Variants in LRRC4C observed in about 807,000 individuals in gnomAD.
LRRC4C encodes the protein leucine-rich repeat-containing protein 4C.
Under a neutral mutation model 33.6 loss-of-function variants are expected in LRRC4C, and 5 were observed. The observed-to-expected ratio is 0.15, with a 90% CI of 0.08 to 0.31. LRRC4C has a LOEUF of 0.31. Ranked by LOEUF, LRRC4C falls within the 10% of genes least tolerant of loss-of-function variation. LRRC4C has a pLI of 1.00. For synonymous variants in LRRC4C, 329 were observed against 302.0 expected, an observed-to-expected ratio of 1.09 and a Z score of -0.93; for missense variants, 560 against 796.7, an observed-to-expected ratio of 0.70 and a Z score of 3.58.
chr11:41,395,215 T>A (rs1423791731), intron 1 of LRRC4C, among the ~76,000 whole-genome samples: 2 of 152,004 alleles, frequency 1.3e-5, no homozygotes, highest in African/African-American at 2.4e-5. Context: ...GCGCCTATTC[T>A]TGAGCACATG....
At chr11:40,274,414 GACACACACAT>G (rs1284510605) in intron 4 of LRRC4C, among the ~76,000 whole-genome samples, 8 of 63,088 alleles carry the variant, frequency 1.3e-4, no homozygotes, top group Admixed American at 3.2e-4. Flanking sequence ...CTGCGGAATA[GACACACACAT>G]ACACACACAC....
At chr11:41,277,573 G>A (rs1169647844) in intron 1 of LRRC4C, among the ~76,000 whole-genome samples, 2 of 152,070 alleles carry the variant, frequency 1.3e-5, no homozygotes, top group Non-Finnish European at 2.9e-5. Flanking sequence ...TACCAGGTCA[G>A]TTCACAGACA....
At chr11:40,519,882 C>T (rs1340996674) in intron 3 of LRRC4C, among the ~76,000 whole-genome samples, 1 of 152,152 alleles carries the variant, frequency 6.6e-6, no homozygotes, top group East Asian at 1.9e-4. Flanking sequence ...GAAGATCTTG[C>T]TAAGGTCATG....
intron 4 of LRRC4C, among the ~76,000 whole-genome samples, chr11:40,279,646 T>G (rs1212522432): frequency 1.3e-5 from 2 of 152,164 alleles, no homozygotes; most frequent in African/African-American, 4.8e-5. Context: ...ATAATCATGC[T>G]TATGTCACAC....
At chr11:40,931,724 A>G (rs1957633795) in intron 2 of LRRC4C, among the ~76,000 whole-genome samples, 1 of 152,116 alleles carries the variant, frequency 6.6e-6, no homozygotes, top group African/African-American at 2.4e-5. Context: ...AAGTGATTAT[A>G]TATAGTTATG....
chr11:41,311,845 T>A (rs945677385), intron 1 of LRRC4C, among the ~76,000 whole-genome samples: 1 of 152,198 alleles, frequency 6.6e-6, no homozygotes, highest in Non-Finnish European at 1.5e-5. Context: ...ATCTCACATA[T>A]AAGCCACCCC....
chr11:40,152,801 G>T (rs1420314198), intron 5 of LRRC4C, among the ~76,000 whole-genome samples: 1 of 152,058 alleles, frequency 6.6e-6, no homozygotes, highest in Non-Finnish European at 1.5e-5. Flanking sequence ...CCCAAGGAGC[G>T]TCTGAGCTCA....
rs1590798848 is a variant in LRRC4C at position 40,456,761 on chromosome 11, G to C, written c.-269-137040C>G. On this transcript the variant is annotated intron_variant, in intron 3 of 6. Coordinates refer to ENST00000528697, the MANE Select transcript of LRRC4C (RefSeq NM_001258419.2). ...GTAAAGATAATTTCAAGTTTTTAGA[G>C]ACTGTATGGAAAGCTAGGAAGAGGA... Among the ~76,000 whole-genome samples, 3 of 151,744 alleles carry C rather than the reference G, an allele frequency of 2.0e-5. No homozygotes were observed. In the East Asian group the frequency reaches 5.8e-4, roughly 29 times the overall value.
At chr11:40,324,987 C>T (rs1463666153) in intron 3 of LRRC4C, among the ~76,000 whole-genome samples, 1 of 152,226 alleles carries the variant, frequency 6.6e-6, no homozygotes, top group Non-Finnish European at 1.5e-5. Context: ...CAAAGATTAA[C>T]CCAGTGCTTA....
chr11:40,784,211 A>G (rs1239390527), intron 2 of LRRC4C, among the ~76,000 whole-genome samples: 4 of 152,180 alleles, frequency 2.6e-5, no homozygotes, highest in African/African-American at 9.7e-5. Flanking sequence ...TTAGAAATGA[A>G]GCATCACCTT....
chr11:40,288,041 A>G (rs1229013901), intron 4 of LRRC4C, among the ~76,000 whole-genome samples: 1 of 152,202 alleles, frequency 6.6e-6, no homozygotes, highest in Admixed American at 6.5e-5. Context: ...CATTTATTGA[A>G]TGCTTGCTGT....
chr11:40,562,917 C>T (rs1184890267), intron 3 of LRRC4C, among the ~76,000 whole-genome samples: 14 of 151,784 alleles, frequency 9.2e-5, no homozygotes, highest in East Asian at 7.8e-4. Flanking sequence ...TCTTTCTACT[C>T]GATCATCACT....
chr11:40,667,102 A>T (rs1260715933), intron 2 of LRRC4C, among the ~76,000 whole-genome samples: 6 of 152,218 alleles, frequency 3.9e-5, no homozygotes. Context: ...CTTCAACAGA[A>T]ATTAATATTT....
At chr11:40,952,884 ACACACACACACACT>A (rs56400499) in intron 1 of LRRC4C, among the ~76,000 whole-genome samples, 4,535 of 95,666 alleles carry the variant, frequency 0.047, 45 homozygotes, top group Non-Finnish European at 0.059. Flanking sequence ...ACACACACAC[ACACACACACACACT>A]CTCTCTCTCT....
At chr11:41,295,164 A>T (rs1380219992) in intron 1 of LRRC4C, among the ~76,000 whole-genome samples, 1 of 152,234 alleles carries the variant, frequency 6.6e-6, no homozygotes, top group East Asian at 1.9e-4. Context: ...ATTGGAACCA[A>T]GATACATATC....
intron 1 of LRRC4C, among the ~76,000 whole-genome samples, chr11:41,408,859 C>T (rs185228371): frequency 6.6e-6 from 1 of 152,066 alleles, no homozygotes; most frequent in South Asian, 2.1e-4. Context: ...TGTCTGCCAG[C>T]AGAGACCTTT....
chr11:41,446,602 T>TGGAA (rs1955834951), intron 1 of LRRC4C, among the ~76,000 whole-genome samples: 1 of 152,100 alleles, frequency 6.6e-6, no homozygotes. Context: ...TGGAGGAATA[T>TGGAA]GGAAGCTACA....
intron 5 of LRRC4C, among the ~76,000 whole-genome samples, chr11:40,183,102 A>G (rs778765271): frequency 3.5e-4 from 53 of 152,194 alleles, no homozygotes; most frequent in Non-Finnish European, 7.1e-4. Flanking sequence ...AAAAATAAAG[A>G]GATTTTTTAA....
chr11:41,444,905 G>T (rs1161502131), intron 1 of LRRC4C, among the ~76,000 whole-genome samples: 1 of 151,718 alleles, frequency 6.6e-6, no homozygotes, highest in Non-Finnish European at 1.5e-5. Context: ...CCGGGTTCAA[G>T]TGATTCTCCT....
Sources: allele counts gnomAD v4.1 joint callset (sites outside exome capture counted in the v4.1 genomes callset), GRCh38; gene constraint gnomAD v4.1.1; transcripts MANE v1.5; gene names NCBI Gene and HGNC (gene_info 2026-07-23, HGNC 2026-07-21).